Variants in SULF1 observed in about 807,000 individuals in gnomAD.
SULF1 encodes extracellular sulfatase Sulf-1.
Under a neutral mutation model 110.5 loss-of-function variants are expected in SULF1, and 46 were observed. That is an observed-to-expected ratio of 0.42 (90% confidence interval 0.33 to 0.53). The LOEUF is 0.53. Ranked by LOEUF, SULF1 falls within the 20% of genes least tolerant of loss-of-function variation. The pLI, the probability that SULF1 is intolerant of heterozygous loss-of-function variation, is 0.12. For synonymous variants in SULF1, 371 were observed against 387.1 expected (o/e 0.96, Z 0.49); for missense variants, 941 against 1,094.2 (o/e 0.86, Z 1.98).
chr8:69,506,120 A>G (rs1811177584), intron 3 of SULF1, among the ~76,000 whole-genome samples: 1 of 152,144 alleles, frequency 6.6e-6, no homozygotes, highest in African/African-American at 2.4e-5. Context: ...CGGTTCATAC[A>G]ATTTCTGCAT....
intron 6 of SULF1, among the ~76,000 whole-genome samples, chr8:69,581,838 G>A (rs563227270): frequency 2.0e-5 from 3 of 152,250 alleles, no homozygotes; most frequent in East Asian, 3.9e-4. Context: ...CAACAAAAAG[G>A]CCAGAGCAAC....
At chr8:69,648,771 T>C (rs1350508910) in intron 22 of SULF1, among the ~76,000 whole-genome samples, 1 of 152,232 alleles carries the variant, frequency 6.6e-6, no homozygotes. Flanking sequence ...ATTATAACAC[T>C]GCTCCAGGTA....
chr8:69,563,164 A>G (rs905690793), intron 3 of SULF1: 5 of 152,444 alleles, frequency 3.3e-5, no homozygotes, highest in African/African-American at 1.2e-4. Context: ...GCTCCCCAAC[A>G]TGCCCCTTGC....
chr8:69,558,722 C>G (rs1210413039), intron 3 of SULF1, among the ~76,000 whole-genome samples: 1 of 152,140 alleles, frequency 6.6e-6, no homozygotes, highest in Non-Finnish European at 1.5e-5. Context: ...GAACAAGGTA[C>G]ACTCTAAGCC....
chr8:69,571,297 T>G (rs1189358972), intron 5 of SULF1, among the ~76,000 whole-genome samples: 1 of 152,180 alleles, frequency 6.6e-6, no homozygotes, highest in Non-Finnish European at 1.5e-5. Context: ...AGGAAGTACT[T>G]GATGGCATCC....
At chr8:69,571,021 A>G (rs1159579031) in intron 5 of SULF1, among the ~76,000 whole-genome samples, 1 of 152,122 alleles carries the variant, frequency 6.6e-6, no homozygotes, top group Non-Finnish European at 1.5e-5. Context: ...ACAACTTAAA[A>G]TAACAATGAA....
At chr8:69,496,541 C>A (rs1810372377) in intron 2 of SULF1, among the ~76,000 whole-genome samples, 1 of 152,176 alleles carries the variant, frequency 6.6e-6, no homozygotes, top group Non-Finnish European at 1.5e-5. Context: ...CAAATATATA[C>A]TTTTGAATAA....
intron 1 of SULF1, among the ~76,000 whole-genome samples, chr8:69,475,386 G>C (rs931471032): frequency 6.6e-6 from 1 of 150,438 alleles, no homozygotes; most frequent in East Asian, 1.9e-4. Context: ...GGGATAACAA[G>C]ACAATTGATC....
intron 22 of SULF1, among the ~76,000 whole-genome samples, chr8:69,644,637 T>C (rs1466269029): frequency 6.6e-6 from 1 of 151,194 alleles, no homozygotes; most frequent in Non-Finnish European, 1.5e-5. Flanking sequence ...AAAGAAAAAT[T>C]AGCCGGGCAT....
chr8:69,564,057 C>T lies in SULF1; in HGVS notation c.82C>T (p.Pro28Ser). Residue 28 changes from proline (P) to serine (S), a missense_variant, in exon 5 of 23, where the codon CCG becomes TCG. Pro to Ser is a moderately conservative substitution (Grantham distance 74). This residue lies in a region of SULF1 where 822 missense variants were observed against 934.3 expected (regional missense o/e 0.88). Coordinates refer to ENST00000402687, the MANE Select transcript of SULF1 (RefSeq NM_001128205.2). ...AAGCCTCTGTTCGACTGTCAGATCC[C>T]CGAGGTTCAGAGGACGGATACAGCA... ...LGSLCSTVRS[P>S]RFRGRIQQER... The T allele has an allele frequency of 6.2e-7, 1 of 1,614,140 alleles. No homozygotes were observed. The highest frequency in any genetic ancestry group is 8.5e-7 in the Non-Finnish European group (1 of 1,180,020).
intron 19 of SULF1, among the ~76,000 whole-genome samples, chr8:69,631,141 A>C (rs1308791926): frequency 1.3e-5 from 2 of 152,220 alleles, no homozygotes; most frequent in Non-Finnish European, 2.9e-5. Context: ...TGTTCCAGGC[A>C]GAGGGAACAG....
At chr8:69,572,179 A>T (rs770066372) in intron 5 of SULF1, among the ~76,000 whole-genome samples, 3 of 152,202 alleles carry the variant, frequency 2.0e-5, no homozygotes, top group Non-Finnish European at 2.9e-5. Context: ...CTGCAAGCAG[A>T]CGTCAATTCT....
chr8:69,573,415 C>T (rs911449160), intron 5 of SULF1, among the ~76,000 whole-genome samples: 2 of 152,288 alleles, frequency 1.3e-5, no homozygotes, highest in East Asian at 1.9e-4. Flanking sequence ...CTACCTCGGT[C>T]CCATATTTGT....
chr8:69,644,358 A>G (rs1811717446), intron 22 of SULF1, among the ~76,000 whole-genome samples: 2 of 152,232 alleles, frequency 1.3e-5, no homozygotes, highest in Non-Finnish European at 2.9e-5. Context: ...GGTAAAGGAT[A>G]ATGCTGAATG....
At chr8:69,508,977 G>A (rs1462708962) in intron 3 of SULF1, among the ~76,000 whole-genome samples, 1 of 152,192 alleles carries the variant, frequency 6.6e-6, no homozygotes, top group Non-Finnish European at 1.5e-5. Flanking sequence ...AGAACACTGT[G>A]CTGAGAGTCA....
At chr8:69,647,119 A>G (rs1405545352) in intron 22 of SULF1, among the ~76,000 whole-genome samples, 1 of 151,346 alleles carries the variant, frequency 6.6e-6, no homozygotes, top group African/African-American at 2.4e-5. Flanking sequence ...TAATTTTTGT[A>G]TTTTTAGTAG....
intron 1 of SULF1, among the ~76,000 whole-genome samples, chr8:69,486,541 A>T (rs1259452187): frequency 6.6e-6 from 1 of 152,132 alleles, no homozygotes; most frequent in Non-Finnish European, 1.5e-5. Context: ...TTCTTCCCAC[A>T]GTTTACTAGA....
chr8:69,472,401 G>T (rs1809122276), intron 1 of SULF1, among the ~76,000 whole-genome samples: 1 of 152,198 alleles, frequency 6.6e-6, no homozygotes, highest in Non-Finnish European at 1.5e-5. Flanking sequence ...TAACAAAAAA[G>T]CTGAAAGCAA....
At chr8:69,575,832 GC>G in intron 5 of SULF1, 137 bp from the exon 6 acceptor site, 1 of 1,039,484 alleles carries the variant, frequency 9.6e-7, no homozygotes, top group South Asian at 1.7e-5. Context: ...AGAAATGAGA[GC>G]TGATCAAATT....
Sources: allele counts gnomAD v4.1 joint callset (sites outside exome capture counted in the v4.1 genomes callset), GRCh38; gene constraint gnomAD v4.1.1; regional missense constraint gnomAD v4.1.1; transcripts MANE v1.5; gene names NCBI Gene and HGNC (gene_info 2026-07-23, HGNC 2026-07-21).